The following HNRNPA2B1 variants were observed in gnomAD, a reference collection of about 807,000 sequenced individuals.
The protein encoded by HNRNPA2B1 is heterogeneous nuclear ribonucleoprotein A2/B1.
A neutral mutation model predicts 46.3 loss-of-function variants in HNRNPA2B1; 3 were observed. The ratio of observed to expected loss-of-function variants is 0.06; its 90% confidence interval spans 0.03 to 0.17. The LOEUF (loss-of-function observed/expected upper bound fraction) is 0.17, where lower values mean the gene tolerates loss of function less well. HNRNPA2B1 is among the 10% of genes least tolerant of loss of function. The pLI is 1.00. For missense variants in HNRNPA2B1, 221 were observed against 418.9 expected (o/e 0.53, Z 4.12); for synonymous variants, 225 against 133.8 (o/e 1.68, Z -4.70).
chr7:26,194,039 T>C (rs185246955), intron 7 of HNRNPA2B1, among the ~76,000 whole-genome samples: 1 of 152,348 alleles, frequency 6.6e-6, no homozygotes, highest in East Asian at 1.9e-4. Context: ...AAAAGAGCAC[T>C]TCCTCCTACT....
rs1583993904 is a variant in HNRNPA2B1, at chr7:26,197,134, A to AAT, written c.265-119_265-118dup. 11 of 1,109,440 alleles carry AAT rather than the reference A, an allele frequency of 9.9e-6. No individual in the cohort carries two copies. In the East Asian group the frequency reaches 2.6e-4, roughly 26 times the overall value. The allele number at this position is 1,109,440 out of a possible 1,614,324, so 68.7% of individuals were successfully genotyped here. On this transcript the variant is annotated intron_variant, in intron 3 of 10. Transcript: ENST00000618183. ...TCCACCTTAAAACTACCAGATATAA[A>AAT]ATAGCTTTTAGGGACCTAGCTTTTG...
chr7:26,195,608 A>C, intron 7 of HNRNPA2B1: 1 of 501,004 alleles, frequency 2.0e-6, no homozygotes, highest in Non-Finnish European at 3.5e-6. Context: ...ATTTTGCTTG[A>C]GAAAAGATGA....
rs1782726177 is a variant in HNRNPA2B1, at chr7:26,190,138, A to C, written c.*2222T>G. The C allele has an allele frequency of 6.6e-6, 1 of 152,662 alleles. No individual in the cohort carries two copies. Among genetic ancestry groups the C allele is most frequent in the African/African-American group, 2.4e-5 (1 of 41,466 alleles). 9.5% of individuals were successfully genotyped at this position (152,662 alleles called of 1,614,324 possible). A position where few individuals can be genotyped will look rare whatever the true frequency, so the allele number is the denominator to read the frequency against. Reference sequence around the variant, plus strand: ...TTACACCAAGTATTTGGATACAAAAAGTATTTATTTTATAAACTTTATATT... The same window carrying C: ...TTACACCAAGTATTTGGATACAAAACGTATTTATTTTATAAACTTTATATT... On this transcript the variant is annotated 3_prime_UTR_variant, in exon 11 of 11. Transcript: ENST00000618183.
At chr7:26,198,071 TGATTATCAAAG>T in intron 1 of HNRNPA2B1, 1 of 401,792 alleles carries the variant, frequency 2.5e-6, no homozygotes, top group Non-Finnish European at 4.4e-6. Context: ...ATGTAGACCG[TGATTATCAAAG>T]GATTATTAAA....
At chr7:26,194,093 A>C (rs1020514642) in intron 7 of HNRNPA2B1, among the ~76,000 whole-genome samples, 2 of 152,180 alleles carry the variant, frequency 1.3e-5, no homozygotes, top group Non-Finnish European at 2.9e-5. Context: ...TACGAATTAC[A>C]TATCTTAAAA....
rs953290165 is a variant in HNRNPA2B1 at position 26,197,865 on chromosome 7, T to C, written c.7-133A>G. The C allele has an allele frequency of 3.1e-6, 5 of 1,590,570 alleles. No individual in the cohort carries two copies. In the African/African-American group the frequency reaches 6.8e-5, roughly 22 times the overall value. On this transcript the variant is annotated intron_variant, in intron 1 of 10. Transcript: ENST00000618183. The stretch of plus-strand genomic sequence containing the variant: ...CTCCAAAGGAACAGTTTCTAAAGTT[T>C]TCTGGGGGGAAAAAAAAAACTTACA...
chr7:26,197,702 T>C lies in HNRNPA2B1; in HGVS notation c.37A>G (p.Ile13Val). ...GTGGTTTCAAAGCTTAAGCCACCAATAAAGAGCTTACGGAACTGTTCCTTT... is the reference window on the plus strand; with the variant it reads ...GTGGTTTCAAAGCTTAAGCCACCAACAAAGAGCTTACGGAACTGTTCCTTT... ...REKEQFRKLFIGGLSFETTEE... is the reference protein window; with the variant it reads ...REKEQFRKLFVGGLSFETTEE... Residue 13 changes from isoleucine to valine, a missense_variant, in exon 2 of 11, where the codon ATT becomes GTT. Ile to Val is a conservative substitution (Grantham distance 29, BLOSUM62 3). Coordinates refer to ENST00000618183, the MANE Select transcript of HNRNPA2B1 (RefSeq NM_002137.4). The C allele has an allele frequency of 1.2e-6, 2 of 1,613,890 alleles. No individual in the cohort carries two copies. Among genetic ancestry groups the C allele is most frequent in the Non-Finnish European group, 8.5e-7 (1 of 1,179,838 alleles).
chr7:26,196,753 A>T (rs1783690519), intron 4 of HNRNPA2B1, 54 bp downstream of exon 4: 2 of 1,570,162 alleles, frequency 1.3e-6, no homozygotes, highest in Admixed American at 1.7e-5. Context: ...ATGTTAACAT[A>T]CACAAAATTG....
At chr7:26,197,502 A>G in intron 2 of HNRNPA2B1, 41 bp from the exon 3 acceptor site, 1 of 1,603,544 alleles carries the variant, frequency 6.2e-7, no homozygotes, top group African/African-American at 1.3e-5. Flanking sequence ...TAATCTCATT[A>G]TAGCTTATAA....
At chr7:26,197,956 T>G (rs1410260207) in intron 1 of HNRNPA2B1, 5 of 780,888 alleles carry the variant, frequency 6.4e-6, no homozygotes, top group Non-Finnish European at 1.0e-5. Context: ...CCTCAGCTGA[T>G]CTACACAAGT....
chr7:26,196,224 A>G (rs1330465428), intron 6 of HNRNPA2B1, among the ~76,000 whole-genome samples, 177 bp downstream of exon 6: 1 of 152,232 alleles, frequency 6.6e-6, no homozygotes, highest in African/African-American at 2.4e-5. Flanking sequence ...ACTGTTATTA[A>G]TACAACTCTA....
At chr7:26,195,213 G>A (rs1223230760) in intron 7 of HNRNPA2B1, among the ~76,000 whole-genome samples, 1 of 147,870 alleles carries the variant, frequency 6.8e-6, no homozygotes, top group Non-Finnish European at 1.5e-5. Context: ...ATAAAAAGTA[G>A]AACAGTGAGA....
At chr7:26,196,004 A>G in intron 6 of HNRNPA2B1, 95 bp from the exon 7 acceptor site, 1 of 1,467,554 alleles carries the variant, frequency 6.8e-7, no homozygotes. Context: ...CAGCACAATA[A>G]TTAAGAACCG....
chr7:26,192,350 GAAGTAAA>G lies in HNRNPA2B1; in HGVS notation c.*22-19_*22-13del. ...TTATACAGTGAAGCCTGTTTCAACA[GAAGTAAA>G]GAGTAAAAAAAAAATAGGTTATGAA... On this transcript the variant is annotated splice_polypyrimidine_tract_variant and intron_variant, in intron 10 of 10. Coordinates refer to ENST00000618183, the MANE Select transcript of HNRNPA2B1 (RefSeq NM_002137.4). 1.6e-6 allele frequency: 1 copy of G among 628,956 alleles called. No individual in the cohort carries two copies. The highest frequency in any genetic ancestry group is 1.9e-5 in the South Asian group (1 of 51,806). The allele number at this position is 628,956 out of a possible 1,614,324, so 39.0% of individuals were successfully genotyped here.
At chr7:26,192,443 G>A (rs1474085185) in intron 10 of HNRNPA2B1, 52 bp downstream of exon 10, 7 of 1,215,138 alleles carry the variant, frequency 5.8e-6, no homozygotes, top group African/African-American at 1.5e-5. Flanking sequence ...TTTTACTCCT[G>A]CAGCTATGTC....
intron 1 of HNRNPA2B1, chr7:26,198,471 GAC>G (rs1783932330): frequency 6.6e-6 from 1 of 152,268 alleles, no homozygotes; most frequent in Non-Finnish European, 1.5e-5. Context: ...TTTGATATAT[GAC>G]AATACAGAAT....
At chr7:26,197,164 A>G (rs901664858) in intron 3 of HNRNPA2B1, 147 bp from the exon 4 acceptor site, 1 of 1,179,024 alleles carries the variant, frequency 8.5e-7, no homozygotes, top group East Asian at 2.4e-5. Flanking sequence ...CTTTTGAAAA[A>G]TAAGCTAGCT....
At chr7:26,199,931 G>C (rs1304472661) in intron 1 of HNRNPA2B1, 1 of 152,230 alleles carries the variant, frequency 6.6e-6, no homozygotes, top group Non-Finnish European at 1.5e-5. Flanking sequence ...TTTCATCGAG[G>C]GGAAGGCTGA....
chr7:26,191,268 T>G lies in HNRNPA2B1; in HGVS notation c.*1092A>C, dbSNP rs747874980. On this transcript the variant is annotated 3_prime_UTR_variant, in exon 11 of 11. Coordinates refer to ENST00000618183, the MANE Select transcript of HNRNPA2B1 (RefSeq NM_002137.4). ...AAATGACAGATTGGAAAACAGGGTT[T>G]ATAAAAATTATTCTCTTGAGTTTAT... The G allele has an allele frequency of 6.6e-6, 1 of 152,186 alleles. No individual in the cohort carries two copies. Among genetic ancestry groups the G allele is most frequent in the Non-Finnish European group, 1.5e-5 (1 of 68,006 alleles). 9.4% of individuals were successfully genotyped at this position (152,186 alleles called of 1,614,324 possible). A position where few individuals can be genotyped will look rare whatever the true frequency, so the allele number is the denominator to read the frequency against.
Sources: allele counts gnomAD v4.1 joint callset (sites outside exome capture counted in the v4.1 genomes callset), GRCh38; gene constraint gnomAD v4.1.1; transcripts MANE v1.5; gene names NCBI Gene and HGNC (gene_info 2026-07-23, HGNC 2026-07-21).